TCF12: variants seen among roughly 807,000 people sequenced by gnomAD.
TCF12 encodes DNA-binding protein HTF4.
Under a neutral mutation model 86.0 loss-of-function variants are expected in TCF12, and 45 were observed. That is an observed-to-expected ratio of 0.52 (90% CI 0.41 to 0.67). The LOEUF is 0.67. TCF12 is among the 30% of genes least tolerant of loss of function. The probability of loss-of-function intolerance (pLI) is 0.00; values close to 1 mark genes in which losing one functional copy is unlikely to be tolerated. For synonymous variants in TCF12, 330 were observed against 299.6 expected, an observed-to-expected ratio of 1.10 and a Z score of -1.05; for missense variants, 881 against 859.9, an observed-to-expected ratio of 1.02 and a Z score of -0.31.
At chr15:57,063,858 A>G in intron 4 of TCF12, 35 bp downstream of exon 4, 1 of 1,490,138 alleles carries the variant, frequency 6.7e-7, no homozygotes, top group Non-Finnish European at 9.2e-7. Context: ...TTAAAGCTGT[A>G]ATTTGGCAGA....
intron 6 of TCF12, among the ~76,000 whole-genome samples, chr15:57,170,715 A>AT (rs1490475856): frequency 0.032 from 364 of 11,282 alleles, 14 homozygotes; most frequent in Middle Eastern, 0.091. Flanking sequence ...AATATATAAT[A>AT]TATATATTAT....
At chr15:57,246,231 A>G (rs2059852852) in intron 13 of TCF12, among the ~76,000 whole-genome samples, 1 of 152,236 alleles carries the variant, frequency 6.6e-6, no homozygotes, top group Non-Finnish European at 1.5e-5. Context: ...ACACAGGTGC[A>G]GAGCCACATA....
chr15:57,163,933 G>T (rs2151526221), intron 5 of TCF12, among the ~76,000 whole-genome samples: 1 of 152,186 alleles, frequency 6.6e-6, no homozygotes, highest in East Asian at 1.9e-4. Flanking sequence ...GTTCTTCTTT[G>T]GCAGGTCCGG....
intron 4 of TCF12, among the ~76,000 whole-genome samples, chr15:57,065,630 C>T (rs538250133): frequency 1.5e-5 from 2 of 137,860 alleles, no homozygotes; most frequent in East Asian, 4.9e-4. Flanking sequence ...CGCCCCGCCC[C>T]CCCACCACCC....
intron 5 of TCF12, among the ~76,000 whole-genome samples, chr15:57,093,113 A>AT (rs1200274697): frequency 6.6e-6 from 1 of 152,200 alleles, no homozygotes; most frequent in Non-Finnish European, 1.5e-5. Context: ...TAAAATCACA[A>AT]TTTGTTTCAG....
chr15:57,019,907 G>T (rs2065373120), intron 3 of TCF12, among the ~76,000 whole-genome samples: 1 of 151,980 alleles, frequency 6.6e-6, no homozygotes, highest in South Asian at 2.1e-4. Flanking sequence ...TGAGCAAGGA[G>T]GGGGATTAGT....
chr15:57,269,478 A>G (rs2061029254), intron 18 of TCF12, among the ~76,000 whole-genome samples: 2 of 147,034 alleles, frequency 1.4e-5, no homozygotes, highest in Non-Finnish European at 1.5e-5. Context: ...TCTCCTGAAT[A>G]CAGCACACTG....
intron 8 of TCF12, among the ~76,000 whole-genome samples, chr15:57,229,076 G>A (rs2059014353): frequency 6.6e-6 from 1 of 151,936 alleles, no homozygotes; most frequent in Admixed American, 6.6e-5. Context: ...GGCTAGGTCT[G>A]TGGATTTATT....
chr15:57,230,779 T>C (rs1222260354), intron 8 of TCF12, among the ~76,000 whole-genome samples: 2 of 152,082 alleles, frequency 1.3e-5, no homozygotes, highest in Admixed American at 6.6e-5. Context: ...CCAGATTTTA[T>C]GTTATGCTAT....
intron 16 of TCF12, among the ~76,000 whole-genome samples, chr15:57,253,822 A>G (rs779969504): frequency 1.1e-4 from 17 of 152,248 alleles, no homozygotes; most frequent in Non-Finnish European, 2.2e-4. Flanking sequence ...ATTTAGAACC[A>G]GCCTTCAGTG....
intron 5 of TCF12, among the ~76,000 whole-genome samples, chr15:57,129,481 A>C (rs1348302833): frequency 2.0e-5 from 3 of 152,136 alleles, no homozygotes; most frequent in Non-Finnish European, 2.9e-5. Context: ...GAGCCTGGGG[A>C]GGTCAAGGCT....
At chr15:57,250,909 A>AAAGAAGAAACAAAACCAAAAAAAAAGAAT (rs1301513802) in intron 13 of TCF12, among the ~76,000 whole-genome samples, 5,733 of 151,290 alleles carry the variant, frequency 0.038, 325 homozygotes, top group Admixed American at 0.16. Flanking sequence ...AAAAAAAGAA[A>AAAGAAGAAACAAAACCAAAAAAAAAGAAT]AAGAAGAAAC....
intron 3 of TCF12, among the ~76,000 whole-genome samples, chr15:57,025,762 T>C (rs1443156964): frequency 6.6e-6 from 1 of 152,234 alleles, no homozygotes; most frequent in African/African-American, 2.4e-5. Context: ...TAAGAAATGT[T>C]AGTCACCAGT....
chr15:57,074,360 T>TAAA (rs35606687), intron 4 of TCF12, among the ~76,000 whole-genome samples: 3 of 110,624 alleles, frequency 2.7e-5, no homozygotes, highest in African/African-American at 5.6e-5. Flanking sequence ...CCATTTTGAT[T>TAAA]AAAAAAAAAA....
At chr15:57,273,453 G>T (rs1447428702) in intron 19 of TCF12, among the ~76,000 whole-genome samples, 191 bp downstream of exon 19, 3 of 151,958 alleles carry the variant, frequency 2.0e-5, no homozygotes, top group Non-Finnish European at 4.4e-5. Flanking sequence ...TGTGGGCTGA[G>T]TGTTCTCCAC....
chr15:57,135,698 A>G (rs1261959331), intron 5 of TCF12, among the ~76,000 whole-genome samples: 1 of 152,194 alleles, frequency 6.6e-6, no homozygotes, highest in African/African-American at 2.4e-5. Context: ...AATAGAAGAA[A>G]AGGTTTGTTA....
intron 3 of TCF12, among the ~76,000 whole-genome samples, chr15:56,998,029 A>G (rs550770975): frequency 6.6e-6 from 1 of 152,364 alleles, no homozygotes; most frequent in South Asian, 2.1e-4. Context: ...CTAACAACAG[A>G]ATTTAAAAAT....
At chr15:56,949,634 A>T (rs1206682651) in intron 3 of TCF12, among the ~76,000 whole-genome samples, 1 of 152,206 alleles carries the variant, frequency 6.6e-6, no homozygotes, top group African/African-American at 2.4e-5. Flanking sequence ...TATTTAACCA[A>T]CATTTACTTA....
chr15:57,227,857 A>G (rs1240188984), intron 8 of TCF12, among the ~76,000 whole-genome samples: 1 of 152,036 alleles, frequency 6.6e-6, no homozygotes, highest in Non-Finnish European at 1.5e-5. Flanking sequence ...AAATTACTTA[A>G]TTTTACCCTT....
Sources: allele counts gnomAD v4.1 joint callset (sites outside exome capture counted in the v4.1 genomes callset), GRCh38; gene constraint gnomAD v4.1.1; transcripts MANE v1.5; gene names NCBI Gene and HGNC (gene_info 2026-07-23, HGNC 2026-07-21).